ADGRL4: variants seen among roughly 807,000 people sequenced by gnomAD.
ADGRL4 encodes adhesion G protein-coupled receptor L4.
Under a neutral mutation model 74.8 loss-of-function variants are expected in ADGRL4, and 90 were observed. The observed-to-expected ratio is 1.20, with a 90% CI of 1.02 to 1.43. The LOEUF (loss-of-function observed/expected upper bound fraction) is 1.43, where lower values mean the gene tolerates loss of function less well. ADGRL4 is among the 40% of genes most tolerant of loss of function. The pLI is 0.00. For missense variants in ADGRL4, 881 were observed against 814.3 expected (o/e 1.08, Z -1.00); for synonymous variants, 311 against 279.2 (o/e 1.11, Z -1.14).
At chr1:78,969,539 C>T (rs917080376) in intron 2 of ADGRL4, among the ~76,000 whole-genome samples, 7 of 152,128 alleles carry the variant, frequency 4.6e-5, no homozygotes, top group Non-Finnish European at 7.4e-5. Flanking sequence ...CTGGGCTCGG[C>T]TTTAAAAGGT....
At chr1:78,992,025 C>A (rs1488553496) in intron 2 of ADGRL4, among the ~76,000 whole-genome samples, 5 of 151,936 alleles carry the variant, frequency 3.3e-5, no homozygotes, top group African/African-American at 1.2e-4. Context: ...ATCTGTGTAC[C>A]TAAAAAATAC....
intron 7 of ADGRL4, among the ~76,000 whole-genome samples, chr1:78,931,126 T>C (rs1163288890): frequency 6.6e-6 from 1 of 150,870 alleles, no homozygotes; most frequent in Non-Finnish European, 1.5e-5. Flanking sequence ...CCAAGACACA[T>C]AAACAGATTC....
chr1:78,917,862 T>G lies in ADGRL4; in HGVS notation c.1650A>C (p.Ala550=). 1 of 1,612,686 alleles carries G rather than the reference T, an allele frequency of 6.2e-7. No individual in the cohort carries two copies. Among genetic ancestry groups the G allele is most frequent in the Non-Finnish European group, 8.5e-7 (1 of 1,179,102 alleles). The change falls in exon 11 of 15, where the codon GCA becomes GCC. Residue 550 remains alanine, a synonymous_variant. Transcript: ENST00000370742. ...TTGTGCCATAATATCTGTATCCTAG[T>G]GCTGCCGAAAATCCAACTACCACGG... ...SPAVVVGFSA[A]LGYRYYGTTK...
At chr1:78,921,880 A>T (rs1649009873) in intron 8 of ADGRL4, 94 bp from the exon 9 acceptor site, 1 of 652,548 alleles carries the variant, frequency 1.5e-6, no homozygotes, top group Admixed American at 4.0e-5. Context: ...TGTGATTGAA[A>T]CAATGCCTTA....
At chr1:78,892,397 T>C (rs1557487839) in intron 13 of ADGRL4, among the ~76,000 whole-genome samples, 1 of 152,128 alleles carries the variant, frequency 6.6e-6, no homozygotes, top group South Asian at 2.1e-4. Flanking sequence ...GCCTTGGAAA[T>C]GAAGCAACTA....
Position 78,948,412 on chromosome 1 carries a change from A to T in ADGRL4, c.173-1986T>A, listed in dbSNP as rs191823075. Among the ~76,000 whole-genome samples, 33 of 152,178 alleles carry T rather than the reference A, an allele frequency of 2.2e-4. 1 individual carries two copies. The highest frequency in any genetic ancestry group is 1.7e-3 in the Admixed American group (26 of 15,282). On this transcript the variant is annotated intron_variant, in intron 2 of 14. Transcript: ENST00000370742. ...CAGTAAGTACACACTCACTTAAAAA[A>T]TTTAAAATTTAAAAAATTTTAAAAG...
At chr1:78,927,504 T>C (rs750172130) in intron 7 of ADGRL4, among the ~76,000 whole-genome samples, 9 of 152,080 alleles carry the variant, frequency 5.9e-5, no homozygotes, top group African/African-American at 1.4e-4. Flanking sequence ...GCTGATAGAA[T>C]CAAGAAAATT....
chr1:78,909,370 TC>T (rs765076442), intron 12 of ADGRL4, among the ~76,000 whole-genome samples: 4 of 151,868 alleles, frequency 2.6e-5, no homozygotes, highest in Non-Finnish European at 5.9e-5. Flanking sequence ...GGCTAGTGGT[TC>T]CCAGTGAAGA....
At position 78,982,629 on chromosome 1, in the gene ADGRL4, T is replaced by A. The variant is rs79892549; in HGVS notation, c.172+22441A>T. On this transcript the variant is annotated intron_variant, in intron 2 of 14. Coordinates refer to ENST00000370742, the MANE Select transcript of ADGRL4 (RefSeq NM_022159.4). ...TTCTTACAATATGAGGACTAGATAA[T>A]CTCAATACCCTTCTCCAACAAAACA... 2.6e-5 allele frequency among the ~76,000 whole-genome samples: 4 copies of A among 151,900 alleles called. No individual in the cohort carries two copies. In the South Asian group the frequency reaches 8.3e-4, roughly 31 times the overall value.
intron 8 of ADGRL4, among the ~76,000 whole-genome samples, chr1:78,926,070 T>C (rs1358802168): frequency 2.0e-5 from 3 of 152,216 alleles, no homozygotes; most frequent in Admixed American, 6.6e-5. Flanking sequence ...TCAATGTTTT[T>C]ACTTAACAGT....
intron 6 of ADGRL4, 144 bp downstream of exon 6, chr1:78,937,663 T>A: frequency 1.4e-6 from 1 of 689,990 alleles, no homozygotes; most frequent in East Asian, 2.6e-5. Flanking sequence ...GCAATATGCA[T>A]CACCATTCAT....
intron 2 of ADGRL4, among the ~76,000 whole-genome samples, chr1:78,994,567 C>T (rs1650677194): frequency 6.6e-6 from 1 of 152,122 alleles, no homozygotes; most frequent in Non-Finnish European, 1.5e-5. Flanking sequence ...AGGCAGAGTC[C>T]ATCGTCAGTT....
At chr1:78,969,233 CA>C in intron 2 of ADGRL4, among the ~76,000 whole-genome samples, 1 of 152,160 alleles carries the variant, frequency 6.6e-6, no homozygotes, top group Non-Finnish European at 1.5e-5. Context: ...TCATTTGCAA[CA>C]GTGCAATAAG....
chr1:78,908,494 A>C (rs1648691290), intron 12 of ADGRL4, among the ~76,000 whole-genome samples: 1 of 152,038 alleles, frequency 6.6e-6, no homozygotes, highest in African/African-American at 2.4e-5. Context: ...TACAGTGTAA[A>C]CATCTAGTAA....
intron 2 of ADGRL4, among the ~76,000 whole-genome samples, chr1:79,002,901 A>C (rs1417107821): frequency 6.6e-6 from 1 of 152,126 alleles, no homozygotes; most frequent in Non-Finnish European, 1.5e-5. Context: ...ATGCAAAACA[A>C]ATTATAAATT....
chr1:78,964,487 A>G (rs372112894), intron 2 of ADGRL4, among the ~76,000 whole-genome samples: 3 of 152,324 alleles, frequency 2.0e-5, no homozygotes, highest in South Asian at 2.1e-4. Context: ...TAGCAAGGGC[A>G]CTGTAGGCAG....
intron 12 of ADGRL4, among the ~76,000 whole-genome samples, chr1:78,911,858 G>A (rs1373715921): frequency 6.6e-6 from 1 of 151,798 alleles, no homozygotes; most frequent in Non-Finnish European, 1.5e-5. Context: ...TGTAGGGCTG[G>A]CATCATTAAC....
chr1:78,994,106 A>G (rs1433814203), intron 2 of ADGRL4, among the ~76,000 whole-genome samples: 1 of 152,186 alleles, frequency 6.6e-6, no homozygotes, highest in African/African-American at 2.4e-5. Context: ...AAAGCAATAA[A>G]TAAGTCAATG....
intron 2 of ADGRL4, among the ~76,000 whole-genome samples, chr1:78,982,225 T>C (rs564456092): frequency 6.6e-6 from 1 of 152,054 alleles, no homozygotes; most frequent in South Asian, 2.1e-4. Flanking sequence ...ATAAGCCATT[T>C]TGCTCACAAT....
Sources: gnomAD v4.1 joint callset for allele counts (sites outside exome capture counted in the v4.1 genomes callset) on GRCh38, gnomAD v4.1.1 for gene constraint, MANE v1.5 for transcripts, NCBI Gene and HGNC (gene_info 2026-07-23, HGNC 2026-07-21) for gene names.